Variants in TRAIP observed in about 807,000 individuals in gnomAD.
TRAIP encodes the protein TRAF interacting protein, also known as E3 ubiquitin-protein ligase TRAIP.
A neutral mutation model predicts 65.0 loss-of-function variants in TRAIP; 37 were observed. That is an observed-to-expected ratio of 0.57 (90% confidence interval 0.44 to 0.75). TRAIP has a LOEUF of 0.75. Ranked by LOEUF, TRAIP falls within the 30% of genes least tolerant of loss-of-function variation. TRAIP has a pLI of 0.00. For missense variants in TRAIP, 481 were observed against 579.4 expected (o/e 0.83, Z 1.74); for synonymous variants, 187 against 219.1 (o/e 0.85, Z 1.29).
chr3:49,847,876 C>T (rs1327546565), intron 2 of TRAIP, among the ~76,000 whole-genome samples: 1 of 152,110 alleles, frequency 6.6e-6, no homozygotes, highest in African/African-American at 2.4e-5. Context: ...ACTCTAGGTG[C>T]GGAGTCACTG....
At chr3:49,848,539 G>A (rs1450463008) in intron 1 of TRAIP, among the ~76,000 whole-genome samples, 4 of 151,948 alleles carry the variant, frequency 2.6e-5, no homozygotes, top group African/African-American at 9.7e-5. Context: ...ATTTTAAGCT[G>A]GAATCCCAAA....
At chr3:49,852,204 T>G (rs1179150700) in intron 1 of TRAIP, among the ~76,000 whole-genome samples, 1 of 148,652 alleles carries the variant, frequency 6.7e-6, no homozygotes, top group Non-Finnish European at 1.5e-5. Flanking sequence ...CCGTCTCTAC[T>G]AAAAATACAA....
At chr3:49,834,142 C>T (rs551475953) in intron 10 of TRAIP, among the ~76,000 whole-genome samples, 17 of 152,302 alleles carry the variant, frequency 1.1e-4, no homozygotes, top group African/African-American at 4.1e-4. Context: ...CTCCTGGCGG[C>T]CTTACCCTAC....
intron 7 of TRAIP, 123 bp from the exon 8 acceptor site, chr3:49,841,195 A>C: frequency 2.5e-6 from 2 of 793,402 alleles, no homozygotes; most frequent in Non-Finnish European, 4.3e-6. Context: ...CTACTTTGAC[A>C]CCTGAGCCCA....
At chr3:49,843,740 A>G in intron 5 of TRAIP, 61 bp downstream of exon 5, 1 of 1,574,834 alleles carries the variant, frequency 6.3e-7, no homozygotes, top group Non-Finnish European at 8.7e-7. Context: ...CAGAATGGGG[A>G]GTCCAGTTCT....
intron 11 of TRAIP, among the ~76,000 whole-genome samples, chr3:49,831,109 T>C (rs2081728513): frequency 6.6e-6 from 1 of 152,180 alleles, no homozygotes; most frequent in Non-Finnish European, 1.5e-5. Flanking sequence ...TTGTTTCTCA[T>C]TGCTACCAGG....
At position 49,847,466 on chromosome 3, in the gene TRAIP, A is replaced by G. The variant is rs188331172; in HGVS notation, c.240+59T>C. ...AGAGAAAAAAGAAAAGAAAAGAAAA[A>G]AGAAAAGTGAACTCGCACAAGGCTT... is the stretch of plus-strand genomic sequence containing the variant. On this transcript the variant is annotated intron_variant, in intron 3 of 14. Coordinates refer to ENST00000331456, the MANE Select transcript of TRAIP (RefSeq NM_005879.3). 2.8e-6 allele frequency: 3 copies of G among 1,090,514 alleles called. No individual in the cohort carries two copies. The East Asian group carries it at 7.2e-5, about 26-fold the overall frequency. The allele number at this position is 1,090,514 out of a possible 1,614,324, so 67.6% of individuals were successfully genotyped here.
chr3:49,851,890 G>C (rs902310073), intron 1 of TRAIP, among the ~76,000 whole-genome samples: 2 of 148,426 alleles, frequency 1.3e-5, no homozygotes, highest in African/African-American at 5.0e-5. Flanking sequence ...GTAAAGACGG[G>C]GTTTCACCAT....
chr3:49,839,728 C>T, intron 10 of TRAIP, 44 bp downstream of exon 10: 5 of 1,560,192 alleles, frequency 3.2e-6, no homozygotes, highest in South Asian at 2.2e-5. Flanking sequence ...TACCAGAAAG[C>T]TCTCCCACCT....
At position 49,841,833 on chromosome 3, in the gene TRAIP, G is replaced by A; in HGVS notation, c.610C>T (p.Leu204Phe). The change falls in exon 7 of 15, where the codon CTC (leucine) becomes TTC (phenylalanine). Residue 204 changes from leucine to phenylalanine, a missense_variant. Coordinates refer to ENST00000331456, the MANE Select transcript of TRAIP (RefSeq NM_005879.3). ...AGGGGCCACAGTACGCACTTCTTGA[G>A]AGACACACAGTACACAGCCAGCTGT... ...VEQLAVYCVS[L>F]KKEYENLKEA... 2 of 1,614,002 alleles carry A rather than the reference G, an allele frequency of 1.2e-6. No homozygotes were observed. The highest frequency in any genetic ancestry group is 1.1e-5 in the South Asian group (1 of 91,086).
At chr3:49,844,925 T>C (rs1420212396) in intron 3 of TRAIP, among the ~76,000 whole-genome samples, 1 of 152,236 alleles carries the variant, frequency 6.6e-6, no homozygotes, top group Non-Finnish European at 1.5e-5. Context: ...TCGCTCTATG[T>C]TGGTCTCATT....
At chr3:49,834,308 CA>C (rs1284399352) in intron 10 of TRAIP, among the ~76,000 whole-genome samples, 2 of 152,102 alleles carry the variant, frequency 1.3e-5, no homozygotes, top group Non-Finnish European at 2.9e-5. Context: ...AATCCTACTG[CA>C]ACAAGTAGAA....
intron 9 of TRAIP, among the ~76,000 whole-genome samples, 191 bp downstream of exon 9, chr3:49,840,093 C>T (rs1284998031): frequency 1.3e-5 from 2 of 152,230 alleles, no homozygotes; most frequent in African/African-American, 4.8e-5. Flanking sequence ...ATGGTTCTGT[C>T]TGCCCTCTGT....
chr3:49,836,824 G>C (rs549091409), intron 10 of TRAIP, among the ~76,000 whole-genome samples: 11 of 152,226 alleles, frequency 7.2e-5, no homozygotes, highest in Middle Eastern at 3.4e-3. Flanking sequence ...CTCTCCCCTG[G>C]ATACTGGAAA....
rs767299385 is a variant in TRAIP, at chr3:49,840,975, G to A, written c.705+10C>T. 7 of 1,613,610 alleles carry A rather than the reference G, an allele frequency of 4.3e-6. No individual in the cohort carries two copies. In the East Asian group the frequency reaches 1.6e-4, roughly 36 times the overall value. On this transcript the variant is annotated intron_variant, in intron 8 of 14. Transcript: ENST00000331456. ...ACTTCTCCTTCAACCTCTGTTCACT[G>A]CTAAGTTACCTTGCTTCTGGAGGAA...
chr3:49,841,507 A>G (rs954732969), intron 7 of TRAIP, among the ~76,000 whole-genome samples: 7 of 152,242 alleles, frequency 4.6e-5, no homozygotes, highest in Admixed American at 3.9e-4. Flanking sequence ...CTACATATCA[A>G]TCACAATGGG....
intron 8 of TRAIP, 75 bp from the exon 9 acceptor site, chr3:49,840,448 G>A (rs568496837): frequency 2.4e-6 from 3 of 1,267,522 alleles, no homozygotes; most frequent in East Asian, 4.6e-5. Context: ...CTGCTCCCCA[G>A]GGAGTGATCA....
intron 1 of TRAIP, among the ~76,000 whole-genome samples, chr3:49,850,238 C>T (rs983558769): frequency 1.3e-5 from 2 of 152,070 alleles, no homozygotes; most frequent in Admixed American, 6.6e-5. Flanking sequence ...CAGTGGCTCA[C>T]GTCTGTAATC....
intron 8 of TRAIP, 198 bp from the exon 9 acceptor site, chr3:49,840,571 A>G (rs2081830519): frequency 1.7e-6 from 1 of 583,010 alleles, no homozygotes; most frequent in South Asian, 2.1e-5. Context: ...TGCTTCCTAC[A>G]TCCTGCAGCC....
Sources: gnomAD v4.1 joint callset for allele counts (sites outside exome capture counted in the v4.1 genomes callset) on GRCh38, gnomAD v4.1.1 for gene constraint, MANE v1.5 for transcripts, NCBI Gene and HGNC (gene_info 2026-07-23, HGNC 2026-07-21) for gene names.